Variants in ANKS1B observed in about 807,000 individuals in gnomAD.
ANKS1B encodes ankyrin repeat and sterile alpha motif domain containing 1B.
Under a neutral mutation model 148.3 loss-of-function variants are expected in ANKS1B, and 36 were observed. The observed-to-expected ratio is 0.24, with a 90% CI of 0.19 to 0.32. The LOEUF (loss-of-function observed/expected upper bound fraction) is 0.32. ANKS1B is among the 10% of genes least tolerant of loss of function. ANKS1B has a pLI of 1.00. For synonymous variants in ANKS1B, 542 were observed against 560.8 expected, an observed-to-expected ratio of 0.97 and a Z score of 0.47; for missense variants, 1,157 against 1,542.6, an observed-to-expected ratio of 0.75 and a Z score of 4.19.
At chr12:99,927,535 T>G (rs1310034406) in intron 1 of ANKS1B, among the ~76,000 whole-genome samples, 2 of 152,206 alleles carry the variant, frequency 1.3e-5, no homozygotes, top group Non-Finnish European at 2.9e-5. Flanking sequence ...TTTGCTTGTT[T>G]TTACAAGGGA....
intron 16 of ANKS1B, among the ~76,000 whole-genome samples, chr12:99,058,213 A>C (rs181950388): frequency 2.4e-4 from 36 of 151,792 alleles, no homozygotes; most frequent in Admixed American, 3.9e-4. Context: ...TGTCATGCAG[A>C]AACTCTGCAT....
chr12:99,537,281 A>C (rs554882837), intron 9 of ANKS1B, among the ~76,000 whole-genome samples: 46 of 152,322 alleles, frequency 3.0e-4, no homozygotes, highest in Admixed American at 1.8e-3. Flanking sequence ...TATATCCAGC[A>C]GTGGGATCGC....
chr12:99,093,198 C>T (rs58018521), intron 15 of ANKS1B, among the ~76,000 whole-genome samples: 13,695 of 152,210 alleles, frequency 0.09, 1,547 homozygotes, highest in African/African-American at 0.26. Flanking sequence ...TTCTCCAACA[C>T]ATTGAATTTC....
chr12:99,061,142 A>G (rs2042335994), intron 16 of ANKS1B, among the ~76,000 whole-genome samples: 1 of 152,218 alleles, frequency 6.6e-6, no homozygotes, highest in Admixed American at 6.5e-5. Context: ...ACTAGAGACA[A>G]GATACATCAG....
At chr12:99,003,897 T>C (rs2099934510) in intron 17 of ANKS1B, among the ~76,000 whole-genome samples, 1 of 152,100 alleles carries the variant, frequency 6.6e-6, no homozygotes, top group South Asian at 2.1e-4. Flanking sequence ...AACCCTACAT[T>C]TTACTTTCCC....
intron 17 of ANKS1B, among the ~76,000 whole-genome samples, chr12:98,940,933 A>G (rs1450309263): frequency 2.0e-5 from 3 of 152,186 alleles, no homozygotes; most frequent in Admixed American, 2.0e-4. Context: ...ACAAAAATTG[A>G]CATATGGTAT....
chr12:99,754,061 C>T (rs1163353214), intron 8 of ANKS1B, among the ~76,000 whole-genome samples: 2 of 151,826 alleles, frequency 1.3e-5, no homozygotes, highest in African/African-American at 4.8e-5. Flanking sequence ...CACAAAGTGG[C>T]AAGCTAGATA....
At chr12:98,778,788 C>T (rs2098705534) in intron 24 of ANKS1B, among the ~76,000 whole-genome samples, 1 of 152,102 alleles carries the variant, frequency 6.6e-6, no homozygotes, top group Admixed American at 6.6e-5. Flanking sequence ...ATACGGCCTT[C>T]CACTATTTTC....
chr12:99,048,305 C>T (rs763736689), intron 17 of ANKS1B, among the ~76,000 whole-genome samples: 1 of 152,206 alleles, frequency 6.6e-6, no homozygotes, highest in African/African-American at 2.4e-5. Context: ...AGAGATAGAT[C>T]ATAAATGGCT....
At chr12:99,637,429 G>C (rs1431061894) in intron 9 of ANKS1B, among the ~76,000 whole-genome samples, 1 of 152,130 alleles carries the variant, frequency 6.6e-6, no homozygotes, top group Non-Finnish European at 1.5e-5. Flanking sequence ...ATGTCAACTC[G>C]ATTGGATTGA....
intron 2 of ANKS1B, among the ~76,000 whole-genome samples, chr12:99,814,025 A>G (rs1335155539): frequency 6.6e-6 from 1 of 151,726 alleles, no homozygotes; most frequent in African/African-American, 2.4e-5. Flanking sequence ...ATACATAAAT[A>G]CTTTCTGTAT....
chr12:99,589,220 T>C (rs1172761365), intron 9 of ANKS1B, among the ~76,000 whole-genome samples: 6 of 152,244 alleles, frequency 3.9e-5, no homozygotes, highest in African/African-American at 1.4e-4. Context: ...GAATGGAACA[T>C]GGTTGAAAAT....
At chr12:98,797,069 G>A (rs1224796986) in intron 22 of ANKS1B, among the ~76,000 whole-genome samples, 1 of 152,112 alleles carries the variant, frequency 6.6e-6, no homozygotes, top group African/African-American at 2.4e-5. Flanking sequence ...TATTAGACAT[G>A]TTCATGAATA....
At chr12:99,802,912 TAAA>T (rs11322453) in intron 4 of ANKS1B, among the ~76,000 whole-genome samples, 19 of 141,774 alleles carry the variant, frequency 1.3e-4, no homozygotes, top group South Asian at 2.3e-4. Context: ...ACCCTGCCTT[TAAA>T]AAAAAAAAAA....
intron 14 of ANKS1B, among the ~76,000 whole-genome samples, chr12:99,208,942 C>T (rs935842651): frequency 1.2e-4 from 18 of 152,038 alleles, no homozygotes; most frequent in African/African-American, 4.1e-4. Flanking sequence ...TTCCAGAATT[C>T]AGAAACTATT....
chr12:99,144,457 T>A (rs2072230129), intron 15 of ANKS1B, among the ~76,000 whole-genome samples: 1 of 152,128 alleles, frequency 6.6e-6, no homozygotes, highest in Admixed American at 6.6e-5. Context: ...ATCTGGAATC[T>A]TATGTAAACC....
At chr12:99,038,269 T>C (rs1287732607) in intron 17 of ANKS1B, among the ~76,000 whole-genome samples, 1 of 152,138 alleles carries the variant, frequency 6.6e-6, no homozygotes, top group African/African-American at 2.4e-5. Flanking sequence ...CTCCAAATTT[T>C]CCCTAACAAA....
chr12:98,971,027 T>C (rs2099882653), intron 17 of ANKS1B, among the ~76,000 whole-genome samples: 1 of 152,156 alleles, frequency 6.6e-6, no homozygotes, highest in African/African-American at 2.4e-5. Context: ...TTCTATGCTG[T>C]AAGAGCAATT....
intron 10 of ANKS1B, among the ~76,000 whole-genome samples, chr12:99,481,356 T>C (rs982124107): frequency 2.6e-5 from 4 of 151,854 alleles, no homozygotes; most frequent in African/African-American, 9.7e-5. Context: ...AAATACATTA[T>C]TTTGTTCCTT....
Sources: allele counts gnomAD v4.1 joint callset (sites outside exome capture counted in the v4.1 genomes callset), GRCh38; gene constraint gnomAD v4.1.1; transcripts MANE v1.5; gene names NCBI Gene and HGNC (gene_info 2026-07-23, HGNC 2026-07-21).